Variants in PTPRA observed in about 807,000 individuals in gnomAD.
PTPRA encodes protein tyrosine phosphatase receptor type A.
Under a neutral mutation model 104.8 loss-of-function variants are expected in PTPRA, and 25 were observed. The observed-to-expected ratio is 0.24, with a 90% CI of 0.17 to 0.33. PTPRA has a LOEUF of 0.33. Among genes scored for constraint, PTPRA ranks in the 10% least tolerant of loss-of-function variants. The pLI is 1.00. For synonymous variants in PTPRA, 323 were observed against 368.9 expected (o/e 0.88, Z 1.43); for missense variants, 765 against 1,015.3 (o/e 0.75, Z 3.35).
intron 5 of PTPRA, among the ~76,000 whole-genome samples, chr20:2,970,796 C>T (rs2147990221): frequency 6.7e-6 from 1 of 149,412 alleles, no homozygotes; most frequent in South Asian, 2.1e-4. Flanking sequence ...TTCTGGACTT[C>T]TATGGTTTCG....
In PTPRA at chr20:3,035,663, G is replaced by C. The variant is rs371671707; in HGVS notation, c.1999G>C (p.Glu667Gln). 25 of 1,614,138 alleles carry C rather than the reference G, an allele frequency of 1.5e-5. No homozygotes were observed. The highest frequency in any genetic ancestry group is 2.1e-5 in the Non-Finnish European group (25 of 1,180,006). Residue 667 changes from glutamate (E) to glutamine (Q), a missense_variant, in exon 21 of 24, where the codon GAA becomes CAA. Physicochemically the swap from Glu to Gln is conservative, Grantham distance 29. Transcript: ENST00000399903. The surrounding 1 kb of genome is among the most constrained non-coding windows in gnomAD (Gnocchi z 5.8). ...DITVELKKEEECESYTVRDLL... is the reference protein window; with the variant it reads ...DITVELKKEEQCESYTVRDLL... ...TACAGTGGAACTGAAGAAGGAGGAG[G>C]AATGTGAGAGCTACACCGTCCGAGA...
At chr20:2,886,412 C>T (rs1291341771) in intron 1 of PTPRA, among the ~76,000 whole-genome samples, 6 of 152,008 alleles carry the variant, frequency 3.9e-5, no homozygotes, top group Non-Finnish European at 8.8e-5. Context: ...ATTATTGAAG[C>T]TGGATAATAG....
chr20:2,953,218 T>C (rs1429432774), intron 3 of PTPRA, among the ~76,000 whole-genome samples: 1 of 152,028 alleles, frequency 6.6e-6, no homozygotes, highest in African/African-American at 2.4e-5. Context: ...CCCTTGTTGT[T>C]TTCTGGATTT....
chr20:3,008,750 A>C (rs1489769423), intron 11 of PTPRA, among the ~76,000 whole-genome samples: 161 of 133,738 alleles, frequency 1.2e-3, no homozygotes, highest in Middle Eastern at 3.6e-3. Flanking sequence ...AAAAACAAAA[A>C]AAAAAAAAAC....
chr20:2,952,722 T>C (rs1466139449), intron 3 of PTPRA, among the ~76,000 whole-genome samples: 1 of 152,202 alleles, frequency 6.6e-6, no homozygotes, highest in Non-Finnish European at 1.5e-5. Flanking sequence ...TAACTTCTCA[T>C]TCCCCCTTAC....
intron 6 of PTPRA, among the ~76,000 whole-genome samples, chr20:2,982,360 G>A (rs1325177000): frequency 1.3e-5 from 2 of 151,896 alleles, no homozygotes; most frequent in Non-Finnish European, 2.9e-5. Flanking sequence ...GTGCTGGGAT[G>A]TGCCTAATTA....
chr20:2,879,433 T>C (rs1197169870), intron 1 of PTPRA, among the ~76,000 whole-genome samples: 1 of 152,136 alleles, frequency 6.6e-6, no homozygotes, highest in Non-Finnish European at 1.5e-5. Context: ...ATTGAGAGCT[T>C]GGTGAGCACC....
At chr20:2,948,268 G>T (rs1190555768) in intron 3 of PTPRA, among the ~76,000 whole-genome samples, 1 of 152,188 alleles carries the variant, frequency 6.6e-6, no homozygotes, top group African/African-American at 2.4e-5. Flanking sequence ...AAAAATTCTG[G>T]TGAAATTAGC....
At chr20:2,974,752 T>C (rs1477522973) in intron 5 of PTPRA, among the ~76,000 whole-genome samples, 1 of 152,222 alleles carries the variant, frequency 6.6e-6, no homozygotes, top group Admixed American at 6.5e-5. Context: ...TTTATTGCAT[T>C]GGGACAAAAG....
In PTPRA at chr20:2,910,006, TATATC is replaced by T. The variant is rs1364539916; in HGVS notation, c.-128-13196_-128-13192del. ...CATATATCATATATATAATCTATCATATATCATATATAATCTATCATATATCATAT... is the reference window on the plus strand; with the variant it reads ...CATATATCATATATATAATCTATCATATATATAATCTATCATATATCATAT... On this transcript the variant is annotated intron_variant, in intron 1 of 23. Coordinates refer to ENST00000399903, the MANE Select transcript of PTPRA (RefSeq NM_001385305.1). Among the ~76,000 whole-genome samples the T allele has an allele frequency of 1.1e-3, 98 of 90,262 alleles. 1 individual carries two copies. The highest frequency in any genetic ancestry group is 3.2e-3 in the African/African-American group (75 of 23,780). 59.2% of individuals were successfully genotyped at this position (90,262 alleles called of 152,430 possible).
chr20:2,993,759 A>G (rs1028158291), intron 9 of PTPRA, among the ~76,000 whole-genome samples: 2 of 152,212 alleles, frequency 1.3e-5, no homozygotes, highest in African/African-American at 4.8e-5. Flanking sequence ...TCTTTCTGTG[A>G]TGGTTCTTAT....
chr20:2,877,310 G>A (rs563966910), intron 1 of PTPRA, among the ~76,000 whole-genome samples: 1 of 152,302 alleles, frequency 6.6e-6, no homozygotes, highest in South Asian at 2.1e-4. Context: ...GCCCAGGCTG[G>A]AATGCAATGG....
intron 6 of PTPRA, among the ~76,000 whole-genome samples, chr20:2,984,176 G>T (rs552419705): frequency 6.6e-6 from 1 of 152,178 alleles, no homozygotes; most frequent in African/African-American, 2.4e-5. Flanking sequence ...ACAAAGAAGC[G>T]TCATGTAATG....
intron 1 of PTPRA, among the ~76,000 whole-genome samples, chr20:2,921,745 A>G (rs2060105704): frequency 6.6e-6 from 1 of 152,082 alleles, no homozygotes; most frequent in African/African-American, 2.4e-5. Flanking sequence ...GGGGAACGGA[A>G]CATGTTTGGG....
At chr20:2,923,753 C>T (rs895940630) in intron 2 of PTPRA, among the ~76,000 whole-genome samples, 56 of 152,046 alleles carry the variant, frequency 3.7e-4, no homozygotes, top group Admixed American at 3.4e-3. Flanking sequence ...GAGCTGAGAT[C>T]GCACACTGCA....
chr20:2,963,695 G>T (rs557524936), intron 3 of PTPRA, among the ~76,000 whole-genome samples: 3 of 152,040 alleles, frequency 2.0e-5, no homozygotes, highest in Non-Finnish European at 4.4e-5. Flanking sequence ...CTTTTTGAGC[G>T]CAGACATGAT....
intron 5 of PTPRA, among the ~76,000 whole-genome samples, chr20:2,974,013 G>A (rs1323711290): frequency 2.7e-5 from 4 of 148,570 alleles, no homozygotes; most frequent in East Asian, 2.0e-4. Context: ...GTGCAGTGGC[G>A]TGATCTCTGC....
At chr20:2,919,201 A>T (rs945739536) in intron 1 of PTPRA, among the ~76,000 whole-genome samples, 1 of 152,198 alleles carries the variant, frequency 6.6e-6, no homozygotes, top group Non-Finnish European at 1.5e-5. Context: ...TTAAGCAGTT[A>T]TTAAAGAATC....
At chr20:3,016,021 TA>T in intron 12 of PTPRA, 136 bp downstream of exon 12, 1 of 819,650 alleles carries the variant, frequency 1.2e-6, no homozygotes, top group East Asian at 2.7e-5. Flanking sequence ...GAAAGAATTA[TA>T]ATCCATTATA....
Sources: allele counts gnomAD v4.1 joint callset (sites outside exome capture counted in the v4.1 genomes callset), GRCh38; gene constraint gnomAD v4.1.1; non-coding constraint Gnocchi (gnomAD v3.1); transcripts MANE v1.5; gene names NCBI Gene and HGNC (gene_info 2026-07-23, HGNC 2026-07-21).